BCAS4: variants seen among roughly 807,000 people sequenced by gnomAD.
BCAS4 encodes breast carcinoma amplified sequence 4, also known as breast carcinoma-amplified sequence 4.
A neutral mutation model predicts 15.7 loss-of-function variants in BCAS4; 9 were observed. The observed-to-expected ratio is 0.57, with a 90% CI of 0.34 to 1.00. The LOEUF is 1.00. Ranked by LOEUF, BCAS4 falls within the 50% of genes least tolerant of loss-of-function variation. BCAS4 has a pLI of 0.02. For missense variants in BCAS4, 225 were observed against 239.1 expected, an observed-to-expected ratio of 0.94 and a Z score of 0.39; for synonymous variants, 101 against 99.5, an observed-to-expected ratio of 1.02 and a Z score of -0.09.
intron 1 of BCAS4, among the ~76,000 whole-genome samples, chr20:50,809,909 G>T (rs1180816876): frequency 2.6e-5 from 4 of 152,148 alleles, no homozygotes; most frequent in South Asian, 2.1e-4. Context: ...CAGCTTGGTT[G>T]CAGTTGGTGT....
At chr20:50,818,583 G>A (rs1222066374) in intron 2 of BCAS4, among the ~76,000 whole-genome samples, 2 of 152,174 alleles carry the variant, frequency 1.3e-5, no homozygotes, top group Non-Finnish European at 2.9e-5. Flanking sequence ...CTCGGGCACC[G>A]ATGCAGGGAG....
chr20:50,800,499 G>T (rs1367434291), intron 1 of BCAS4, among the ~76,000 whole-genome samples: 1 of 151,854 alleles, frequency 6.6e-6, no homozygotes, highest in Non-Finnish European at 1.5e-5. Context: ...ACTGTTTCCA[G>T]GGCCTCGGGT....
chr20:50,816,432 G>GT (rs1459271454), intron 1 of BCAS4, among the ~76,000 whole-genome samples: 2 of 152,218 alleles, frequency 1.3e-5, no homozygotes, highest in African/African-American at 4.8e-5. Flanking sequence ...GCATTAAAGG[G>GT]TTTTTTAAAT....
At chr20:50,838,658 A>G (rs1167849643) in intron 3 of BCAS4, among the ~76,000 whole-genome samples, 1 of 152,108 alleles carries the variant, frequency 6.6e-6, no homozygotes, top group African/African-American at 2.4e-5. Context: ...CAGCCTGACC[A>G]ACACAGAGAA....
At chr20:50,810,713 C>T (rs2088050926) in intron 1 of BCAS4, among the ~76,000 whole-genome samples, 1 of 151,494 alleles carries the variant, frequency 6.6e-6, no homozygotes, top group Admixed American at 6.6e-5. Context: ...GGCGCAGCCT[C>T]CCGAGTAGCT....
chr20:50,870,303 G>A lies in BCAS4; in HGVS notation c.400-6183G>A, dbSNP rs569313870. ...GAGATGCGGGTGGGCCCAGACTGGCGAGGGGCTGCGGCGGGTTTGTAGAAA... is the reference window on the plus strand; with the variant it reads ...GAGATGCGGGTGGGCCCAGACTGGCAAGGGGCTGCGGCGGGTTTGTAGAAA... On this transcript the variant is annotated intron_variant, in intron 4 of 4. Transcript: ENST00000371608. Among the ~76,000 whole-genome samples the A allele has an allele frequency of 6.6e-5, 10 of 152,298 alleles. No homozygotes were observed. In the South Asian group the frequency reaches 1.7e-3, roughly 25 times the overall value.
chr20:50,817,528 T>C (rs908766915), intron 1 of BCAS4, among the ~76,000 whole-genome samples: 3 of 152,026 alleles, frequency 2.0e-5, no homozygotes, highest in South Asian at 2.1e-4. Flanking sequence ...AGTGGTGCAA[T>C]CTTGGCTCAC....
chr20:50,859,891 A>G (rs2145690), intron 4 of BCAS4, among the ~76,000 whole-genome samples: 50,886 of 152,072 alleles, frequency 0.33, 9,415 homozygotes, highest in African/African-American at 0.5. Context: ...TGTAATCCCA[A>G]CACTTTGGGA....
chr20:50,876,687 T>G lies in BCAS4; in HGVS notation c.*79T>G. ...CAGCTTGGGGGTTTTTTCTTTGTATTGCTGTTTATTTTATATTTTAAAAAT... is the reference window on the plus strand; with the variant it reads ...CAGCTTGGGGGTTTTTTCTTTGTATGGCTGTTTATTTTATATTTTAAAAAT... On this transcript the variant is annotated 3_prime_UTR_variant, in exon 5 of 5. Transcript: ENST00000371608. 6.8e-7 allele frequency: 1 copy of G among 1,476,732 alleles called. No individual in the cohort carries two copies. Among genetic ancestry groups the G allele is most frequent in the Non-Finnish European group, 9.0e-7 (1 of 1,106,112 alleles). The allele number at this position is 1,476,732 out of a possible 1,614,324, so 91.5% of individuals were successfully genotyped here. A position where few individuals can be genotyped will look rare whatever the true frequency, so the allele number is the denominator to read the frequency against.
At chr20:50,808,166 C>T (rs1269405784) in intron 1 of BCAS4, among the ~76,000 whole-genome samples, 1 of 152,162 alleles carries the variant, frequency 6.6e-6, no homozygotes, top group Non-Finnish European at 1.5e-5. Flanking sequence ...CCCGCCTTGG[C>T]CTCCCAAAGT....
chr20:50,881,503 CAGT>C (rs1286211960), downstream of BCAS4: 6 of 152,110 alleles, frequency 3.9e-5, no homozygotes, highest in East Asian at 1.9e-4. Context: ...AAAAGGGAAA[CAGT>C]AGCAAAACAG....
chr20:50,817,527 A>G (rs908039864), intron 1 of BCAS4, among the ~76,000 whole-genome samples: 4 of 152,018 alleles, frequency 2.6e-5, no homozygotes, highest in Non-Finnish European at 4.4e-5. Flanking sequence ...CAGTGGTGCA[A>G]TCTTGGCTCA....
chr20:50,818,872 C>T (rs1000268675), intron 2 of BCAS4, among the ~76,000 whole-genome samples: 3 of 152,196 alleles, frequency 2.0e-5, no homozygotes, highest in Non-Finnish European at 4.4e-5. Flanking sequence ...AAGCCTCCCA[C>T]GCCAGAGTCT....
At chr20:50,827,021 A>G (rs1358565567) in intron 2 of BCAS4, among the ~76,000 whole-genome samples, 1 of 152,142 alleles carries the variant, frequency 6.6e-6, no homozygotes, top group East Asian at 1.9e-4. Flanking sequence ...CAAACAAACA[A>G]ACAAACAAAA....
chr20:50,817,156 T>A lies in BCAS4; in HGVS notation c.91-1055T>A, dbSNP rs112762220. Reference sequence around the variant, plus strand: ...TCTCACCATGTTGCCCAGACTGGTCTCGAATTCCTGGACTTAAGTGATCTT... The same window carrying A: ...TCTCACCATGTTGCCCAGACTGGTCACGAATTCCTGGACTTAAGTGATCTT... On this transcript the variant is annotated intron_variant, in intron 1 of 4. Transcript: ENST00000371608. Among the ~76,000 whole-genome samples the A allele has an allele frequency of 8.5e-3, 1,288 of 151,998 alleles. 14 individuals carry two copies. Among genetic ancestry groups the A allele is most frequent in the African/African-American group, 0.028 (1,161 of 41,438 alleles).
At chr20:50,873,598 C>T (rs981183609) in intron 4 of BCAS4, among the ~76,000 whole-genome samples, 1 of 152,246 alleles carries the variant, frequency 6.6e-6, no homozygotes, top group East Asian at 1.9e-4. Flanking sequence ...TACCCACCAG[C>T]GGCAGCCCTC....
At chr20:50,843,246 C>T (rs1222251376) in intron 4 of BCAS4, among the ~76,000 whole-genome samples, 1 of 152,206 alleles carries the variant, frequency 6.6e-6, no homozygotes, top group East Asian at 1.9e-4. Flanking sequence ...CATGAGCTAC[C>T]ATGCCTGGCC....
intron 1 of BCAS4, among the ~76,000 whole-genome samples, chr20:50,804,655 A>G (rs2087968734): frequency 6.6e-6 from 1 of 152,206 alleles, no homozygotes; most frequent in Non-Finnish European, 1.5e-5. Flanking sequence ...ATGGCCATAG[A>G]CAGCACATGC....
chr20:50,874,764 G>T (rs1979840147), intron 4 of BCAS4, among the ~76,000 whole-genome samples: 1 of 152,178 alleles, frequency 6.6e-6, no homozygotes, highest in South Asian at 2.1e-4. Context: ...GGAGCAGGCA[G>T]CATGGGGAGG....
Sources: gnomAD v4.1 joint callset for allele counts (sites outside exome capture counted in the v4.1 genomes callset) on GRCh38, gnomAD v4.1.1 for gene constraint, MANE v1.5 for transcripts, NCBI Gene and HGNC (gene_info 2026-07-23, HGNC 2026-07-21) for gene names.